GNE: variants seen among roughly 807,000 people sequenced by gnomAD.
GNE encodes the protein bifunctional UDP-N-acetylglucosamine 2-epimerase/N-acetylmannosamine kinase.
In GNE, 41 loss-of-function variants were observed where a neutral mutation model predicts 61.8. The observed-to-expected ratio is 0.66, with a 90% CI of 0.52 to 0.86. The LOEUF (loss-of-function observed/expected upper bound fraction) is 0.86, where lower values mean the gene tolerates loss of function less well. Among genes scored for constraint, GNE ranks in the 40% least tolerant of loss-of-function variants. GNE has a pLI of 0.00. For synonymous variants in GNE, 264 were observed against 326.4 expected, an observed-to-expected ratio of 0.81 and a Z score of 2.06; for missense variants, 608 against 909.1, an observed-to-expected ratio of 0.67 and a Z score of 4.26.
At position 36,216,363 on chromosome 9, in the gene GNE, T is replaced by C; in HGVS notation, c.*1002A>G. The C allele has an allele frequency of 5.9e-6, 1 of 168,136 alleles. No individual in the cohort carries two copies. The highest frequency in any genetic ancestry group is 3.3e-5 in the South Asian group (1 of 30,596). The allele number at this position is 168,136 out of a possible 1,614,324, so 10.4% of individuals were successfully genotyped here. A position where few individuals can be genotyped will look rare whatever the true frequency, so the allele number is the denominator to read the frequency against. On this transcript the variant is annotated 3_prime_UTR_variant, in exon 12 of 12. Coordinates refer to ENST00000642385, the MANE Select transcript of GNE (RefSeq NM_005476.7). ...TGTGTGTGTGTGTGTGTAGACGGAGTCTCGCTCTGTCACCCAGGGTGGAGT... is the reference window on the plus strand; with the variant it reads ...TGTGTGTGTGTGTGTGTAGACGGAGCCTCGCTCTGTCACCCAGGGTGGAGT...
Position 36,244,291 on chromosome 9 carries a change from T to C in GNE, c.616+1740A>G, listed in dbSNP as rs182346057. On this transcript the variant is annotated intron_variant, in intron 3 of 11. Coordinates refer to ENST00000642385, the MANE Select transcript of GNE (RefSeq NM_005476.7). Reference sequence around the variant, plus strand: ...ACCAAATCAATTTTCTGTTCATTAATTTTATAATTCAATAGATCTGCCTCT... The same window carrying C: ...ACCAAATCAATTTTCTGTTCATTAACTTTATAATTCAATAGATCTGCCTCT... Among the ~76,000 whole-genome samples the C allele has an allele frequency of 1.2e-4, 18 of 152,276 alleles. No homozygotes were observed. In the East Asian group the frequency reaches 3.5e-3, roughly 29 times the overall value.
intron 4 of GNE, 95 bp downstream of exon 4, chr9:36,236,737 T>C (rs567263813): frequency 9.3e-7 from 1 of 1,075,170 alleles, no homozygotes; most frequent in East Asian, 2.4e-5. Context: ...CCTTCAATGA[T>C]AAGATGAGCA....
intron 6 of GNE, 36 bp downstream of exon 6, chr9:36,228,985 T>C (rs377589477): frequency 8.5e-7 from 1 of 1,182,794 alleles, no homozygotes; most frequent in Non-Finnish European, 1.3e-6. Flanking sequence ...GTAGCTCCCC[T>C]TTTAAATCAC....
chr9:36,261,219 C>T (rs1259171674), upstream of GNE, among the ~76,000 whole-genome samples: 1 of 152,112 alleles, frequency 6.6e-6, no homozygotes, highest in Non-Finnish European at 1.5e-5. Flanking sequence ...CTGCAAAGTC[C>T]CTCTTGCCAA....
chr9:36,244,379 T>C (rs1277386904), intron 3 of GNE, among the ~76,000 whole-genome samples: 1 of 152,212 alleles, frequency 6.6e-6, no homozygotes, highest in Non-Finnish European at 1.5e-5. Flanking sequence ...GTACTCTTAC[T>C]ATAAATTAAC....
chr9:36,264,793 A>T (rs935124290), intron 1 of GNE, among the ~76,000 whole-genome samples: 5 of 152,196 alleles, frequency 3.3e-5, no homozygotes, highest in African/African-American at 9.6e-5. Context: ...AACAGGAGGT[A>T]AAGAACTAAC....
intron 6 of GNE, among the ~76,000 whole-genome samples, chr9:36,228,220 C>T (rs1828982705): frequency 6.6e-6 from 1 of 151,624 alleles, no homozygotes; most frequent in Non-Finnish European, 1.5e-5. Context: ...AAAATAATAT[C>T]TAGATCTCTT....
In GNE at chr9:36,245,230, C is replaced by G. The variant is rs535555062; in HGVS notation, c.616+801G>C. On this transcript the variant is annotated intron_variant, in intron 3 of 11. Transcript: ENST00000642385. ...AGTGAGCCGAGATTGTGCCACTGCA[C>G]TCCAACCTGGATGACAGAGCAAGAC... Among the ~76,000 whole-genome samples the G allele has an allele frequency of 1.7e-3, 255 of 152,056 alleles. 2 individuals carry two copies. Among genetic ancestry groups the G allele is most frequent in the African/African-American group, 5.6e-3 (234 of 41,454 alleles).
rs554858853 is a variant in GNE at position 36,215,958 on chromosome 9, A to T, written c.*1407T>A. The T allele has an allele frequency of 4.6e-6, 1 of 215,854 alleles. No individual in the cohort carries two copies. Among genetic ancestry groups the T allele is most frequent in the South Asian group, 6.2e-5 (1 of 16,228 alleles). The allele number at this position is 215,854 out of a possible 1,614,324, so 13.4% of individuals were successfully genotyped here. On this transcript the variant is annotated 3_prime_UTR_variant, in exon 12 of 12. Coordinates refer to ENST00000642385, the MANE Select transcript of GNE (RefSeq NM_005476.7). ...TTTGGGACAGTTAATCTCCTTTTAA[A>T]GGCTCTAAGTCCCAGTGGCTTCTCA...
intron 1 of GNE, among the ~76,000 whole-genome samples, chr9:36,273,481 T>C (rs1346139398): frequency 6.6e-6 from 1 of 151,480 alleles, no homozygotes; most frequent in Non-Finnish European, 1.5e-5. Context: ...CCTCCCAAAG[T>C]GCTAGGATTA....
At chr9:36,223,208 C>T (rs1563930529) in intron 8 of GNE, among the ~76,000 whole-genome samples, 165 bp downstream of exon 8, 2 of 152,240 alleles carry the variant, frequency 1.3e-5, no homozygotes, top group Admixed American at 6.5e-5. Flanking sequence ...TCTCCTAATG[C>T]TTGTTGGTGT....
intron 4 of GNE, 62 bp downstream of exon 4, chr9:36,236,770 A>T: frequency 7.2e-7 from 1 of 1,394,164 alleles, no homozygotes; most frequent in Non-Finnish European, 1.0e-6. Flanking sequence ...AGTTAAAAGA[A>T]GTAATAGAAA....
At chr9:36,265,526 A>G (rs1320334506) in intron 1 of GNE, 6 of 455,228 alleles carry the variant, frequency 1.3e-5, no homozygotes, top group South Asian at 3.1e-5. Flanking sequence ...GCAATTCATC[A>G]CCATATTAAG....
chr9:36,270,065 G>A (rs563246160), intron 1 of GNE, among the ~76,000 whole-genome samples: 2 of 152,222 alleles, frequency 1.3e-5, no homozygotes, highest in African/African-American at 2.4e-5. Context: ...GGGCTCAAGC[G>A]ATCCTGTGAC....
intron 1 of GNE, among the ~76,000 whole-genome samples, chr9:36,251,162 G>T (rs1163565087): frequency 1.3e-5 from 2 of 151,934 alleles, no homozygotes; most frequent in East Asian, 3.9e-4. Context: ...CTCCTTGCTG[G>T]TCTTCTACTC....
Position 36,220,509 on chromosome 9 carries a change from C to T in GNE, c.1634-489G>A, listed in dbSNP as rs573537551. Among the ~76,000 whole-genome samples, 2 of 152,284 alleles carry T rather than the reference C, an allele frequency of 1.3e-5. 1 individual carries two copies. The highest frequency in any genetic ancestry group is 4.1e-4 in the South Asian group (2 of 4,824). ...AGGAGGTGCTAGTGGAGTTCAGCCC[C>T]CTTTGCCCTCAAGTCAACTTCAATA... On this transcript the variant is annotated intron_variant, in intron 9 of 11. Coordinates refer to ENST00000642385, the MANE Select transcript of GNE (RefSeq NM_005476.7).
chr9:36,224,445 C>CA (rs1428311517), intron 7 of GNE, among the ~76,000 whole-genome samples: 2 of 151,402 alleles, frequency 1.3e-5, no homozygotes, highest in Non-Finnish European at 3.0e-5. Flanking sequence ...AAAACAAAAA[C>CA]AAAAAAACAC....
At position 36,263,967 on chromosome 9, in the gene GNE, A is replaced by G. The variant is rs1031430786; in HGVS notation, c.51+12927T>C. ...GGAGAGGACTGGCCAGTTGGAAATG[A>G]AAGGAAAATGGGGCACCTTAAAAAC... On this transcript the variant is annotated intron_variant, in intron 1 of 11. Coordinates refer to the GNE transcript ENST00000396594. Among the ~76,000 whole-genome samples the G allele has an allele frequency of 5.3e-5, 8 of 152,298 alleles. No individual in the cohort carries two copies. The South Asian group carries it at 1.7e-3, about 32-fold the overall frequency.
intron 7 of GNE, among the ~76,000 whole-genome samples, chr9:36,224,199 T>C (rs944543245): frequency 1.3e-5 from 2 of 151,782 alleles, no homozygotes; most frequent in Admixed American, 1.3e-4. Context: ...CCCGGCACTT[T>C]GGGAGGCCAA....
Sources: allele counts gnomAD v4.1 joint callset (sites outside exome capture counted in the v4.1 genomes callset), GRCh38; gene constraint gnomAD v4.1.1; transcripts MANE v1.5; gene names NCBI Gene and HGNC (gene_info 2026-07-23, HGNC 2026-07-21).